The following ELMO1 variants were observed in gnomAD, a reference collection of about 807,000 sequenced individuals.
The protein encoded by ELMO1 is engulfment and cell motility protein 1.
In ELMO1, 26 loss-of-function variants were observed where a neutral mutation model predicts 98.9. The observed-to-expected ratio is 0.26, with a 90% CI of 0.19 to 0.36. The LOEUF is 0.36. ELMO1 is among the 10% of genes least tolerant of loss of function. ELMO1 has a pLI of 1.00. For synonymous variants in ELMO1, 346 were observed against 346.0 expected (o/e 1.00, Z 0.00); for missense variants, 627 against 935.2 (o/e 0.67, Z 4.30).
intron 16 of ELMO1, among the ~76,000 whole-genome samples, chr7:36,973,888 C>A (rs1354869585): frequency 6.6e-6 from 1 of 152,228 alleles, no homozygotes; most frequent in Non-Finnish European, 1.5e-5. Context: ...CCCGGGCCAG[C>A]GGCTGCAGAG....
At chr7:36,991,571 C>T (rs192891188) in intron 16 of ELMO1, among the ~76,000 whole-genome samples, 3 of 152,264 alleles carry the variant, frequency 2.0e-5, no homozygotes, top group Admixed American at 6.5e-5. Context: ...GTCAGAAGAC[C>T]TTTTTACAGC....
At chr7:37,177,595 C>T (rs1187665763) in intron 13 of ELMO1, among the ~76,000 whole-genome samples, 7 of 151,894 alleles carry the variant, frequency 4.6e-5, no homozygotes, top group Admixed American at 2.6e-4. Flanking sequence ...TGTTATGTGT[C>T]GCATTTCATT....
intron 16 of ELMO1, among the ~76,000 whole-genome samples, chr7:37,007,887 C>G (rs1309795881): frequency 6.6e-6 from 1 of 152,148 alleles, no homozygotes; most frequent in Non-Finnish European, 1.5e-5. Context: ...GGTTGAAGCT[C>G]ACAGCCTGGC....
At chr7:37,101,741 TTC>T (rs1356251533) in intron 14 of ELMO1, among the ~76,000 whole-genome samples, 3 of 151,918 alleles carry the variant, frequency 2.0e-5, no homozygotes, top group Non-Finnish European at 2.9e-5. Context: ...GCACTGGTTA[TTC>T]TCTTAAGGGG....
At chr7:37,085,775 G>T (rs1783734118) in intron 15 of ELMO1, among the ~76,000 whole-genome samples, 1 of 152,198 alleles carries the variant, frequency 6.6e-6, no homozygotes, top group Non-Finnish European at 1.5e-5. Flanking sequence ...TCATTTTACT[G>T]ATGAGACGTG....
chr7:36,959,304 A>T (rs1016700048), intron 16 of ELMO1, among the ~76,000 whole-genome samples: 7 of 152,002 alleles, frequency 4.6e-5, no homozygotes, highest in Non-Finnish European at 8.8e-5. Context: ...GTGGTCTTTT[A>T]AAATCTGGCA....
chr7:37,100,286 T>C (rs1216592004), intron 14 of ELMO1, among the ~76,000 whole-genome samples: 1 of 152,238 alleles, frequency 6.6e-6, no homozygotes, highest in Non-Finnish European at 1.5e-5. Context: ...CCCCTGAAGA[T>C]GACAATTCCT....
chr7:37,067,197 C>T (rs770544258), intron 15 of ELMO1, among the ~76,000 whole-genome samples: 27 of 152,144 alleles, frequency 1.8e-4, no homozygotes, highest in Non-Finnish European at 1.5e-4. Context: ...GAGGGTGGCA[C>T]GCAACCCAAG....
rs1215003038 is a variant in ELMO1 at position 37,380,824 on chromosome 7, A to G, written c.-73-38061T>C. Among the ~76,000 whole-genome samples the G allele has an allele frequency of 2.0e-5, 3 of 152,350 alleles. No individual in the cohort carries two copies. In the East Asian group the frequency reaches 5.8e-4, roughly 29 times the overall value. Reference sequence around the variant, plus strand: ...TTGAACCCATGGACAACAGCACTGTAACTCATGCCTGAACGAAGCTCATCT... The same window carrying G: ...TTGAACCCATGGACAACAGCACTGTGACTCATGCCTGAACGAAGCTCATCT... On this transcript the variant is annotated intron_variant, in intron 1 of 21. Transcript: ENST00000310758.
At chr7:37,168,434 T>A (rs566601717) in intron 13 of ELMO1, among the ~76,000 whole-genome samples, 10 of 152,280 alleles carry the variant, frequency 6.6e-5, no homozygotes, top group Non-Finnish European at 1.2e-4. Flanking sequence ...AGTTTCCAGT[T>A]TTTCTGCTCT....
At chr7:37,188,073 G>A (rs542032974) in intron 13 of ELMO1, among the ~76,000 whole-genome samples, 14 of 152,114 alleles carry the variant, frequency 9.2e-5, no homozygotes, top group African/African-American at 2.9e-4. Flanking sequence ...GTCTTCAATG[G>A]CAATCATAAT....
At chr7:37,312,142 G>C (rs1254819724) in intron 4 of ELMO1, among the ~76,000 whole-genome samples, 1 of 152,176 alleles carries the variant, frequency 6.6e-6, no homozygotes, top group Non-Finnish European at 1.5e-5. Flanking sequence ...ACTTAGGCTG[G>C]AGTGCAGTGG....
chr7:37,235,216 T>C (rs1794395228), intron 7 of ELMO1, among the ~76,000 whole-genome samples: 1 of 150,600 alleles, frequency 6.6e-6, no homozygotes, highest in Non-Finnish European at 1.5e-5. Context: ...CACAAGAAAA[T>C]CCAAATATCA....
intron 16 of ELMO1, among the ~76,000 whole-genome samples, chr7:36,934,668 T>C (rs534374480): frequency 5.2e-4 from 79 of 152,296 alleles, no homozygotes; most frequent in African/African-American, 1.7e-3. Flanking sequence ...GGCAAAATAG[T>C]TTTTTTCTCC....
At chr7:37,013,488 G>T in intron 15 of ELMO1, 53 bp from the exon 16 acceptor site, 1 of 1,597,430 alleles carries the variant, frequency 6.3e-7, no homozygotes, top group South Asian at 1.1e-5. Context: ...AGTGAAACAC[G>T]AGAACATAAC....
chr7:37,374,623 C>T (rs1387956446), intron 1 of ELMO1, among the ~76,000 whole-genome samples: 1 of 152,026 alleles, frequency 6.6e-6, no homozygotes, highest in Non-Finnish European at 1.5e-5. Context: ...TGGTGGCACG[C>T]ACCTGTAGTC....
intron 2 of ELMO1, among the ~76,000 whole-genome samples, chr7:37,322,683 G>T (rs1336921704): frequency 6.6e-6 from 1 of 151,630 alleles, no homozygotes; most frequent in African/African-American, 2.4e-5. Context: ...TGTGCCTATA[G>T]TAACAGCTAC....
intron 14 of ELMO1, among the ~76,000 whole-genome samples, chr7:37,119,535 A>G (rs548697404): frequency 6.0e-4 from 91 of 152,296 alleles, no homozygotes; most frequent in Non-Finnish European, 1.0e-3. Context: ...GCATTGCATC[A>G]TGAGGAGGAA....
intron 1 of ELMO1, among the ~76,000 whole-genome samples, chr7:37,432,266 G>C (rs949201804): frequency 6.6e-6 from 1 of 152,152 alleles, no homozygotes; most frequent in Non-Finnish European, 1.5e-5. Context: ...CTTAAGTTCT[G>C]GAATGAATAA....
Sources: allele counts gnomAD v4.1 joint callset (sites outside exome capture counted in the v4.1 genomes callset), GRCh38; gene constraint gnomAD v4.1.1; transcripts MANE v1.5; gene names NCBI Gene and HGNC (gene_info 2026-07-23, HGNC 2026-07-21).